SDK1: variants seen among roughly 807,000 people sequenced by gnomAD.
SDK1 encodes the protein protein sidekick-1.
SDK1 carries 157 observed loss-of-function variants against 245.5 expected under a neutral mutation model. The ratio of observed to expected loss-of-function variants is 0.64; its 90% CI spans 0.56 to 0.73. SDK1 has a LOEUF of 0.73. Among genes scored for constraint, SDK1 ranks in the 30% least tolerant of loss-of-function variants. SDK1 has a pLI of 0.00. For missense variants in SDK1, 3,583 were observed against 3,002.3 expected, an observed-to-expected ratio of 1.19 and a Z score of -4.52; for synonymous variants, 1,647 against 1,278.5, an observed-to-expected ratio of 1.29 and a Z score of -6.15.
At chr7:3,643,563 A>T (rs576519774) in intron 4 of SDK1, 1 of 145,376 alleles carries the variant, frequency 6.9e-6, no homozygotes, top group East Asian at 2.1e-4. Flanking sequence ...GCATCTGTGG[A>T]GTCCCTTCCC....
intron 4 of SDK1, among the ~76,000 whole-genome samples, chr7:3,655,501 A>ATATATATATATG (rs1554303530): frequency 1.1e-4 from 6 of 52,754 alleles, no homozygotes; most frequent in Non-Finnish European, 2.5e-4. Flanking sequence ...ATATATATAT[A>ATATATATATATG]TATGTATGTA....
chr7:3,465,405 G>A (rs1019589568), intron 1 of SDK1, among the ~76,000 whole-genome samples: 16 of 152,122 alleles, frequency 1.1e-4, no homozygotes, highest in African/African-American at 2.9e-4. Context: ...AATGAGTAAC[G>A]TCAGCATAAT....
chr7:4,199,539 T>C (rs192622152), intron 35 of SDK1, among the ~76,000 whole-genome samples: 7 of 152,354 alleles, frequency 4.6e-5, no homozygotes, highest in Admixed American at 4.6e-4. Context: ...CAAATATGTT[T>C]GTTATCGTGA....
intron 1 of SDK1, among the ~76,000 whole-genome samples, chr7:3,448,108 T>C (rs1385002991): frequency 6.6e-6 from 1 of 152,214 alleles, no homozygotes; most frequent in African/African-American, 2.4e-5. Flanking sequence ...ATTGTATAGA[T>C]ATTAGTAGAT....
intron 40 of SDK1, among the ~76,000 whole-genome samples, chr7:4,229,285 C>G (rs533136628): frequency 6.6e-6 from 1 of 151,980 alleles, no homozygotes; most frequent in Non-Finnish European, 1.5e-5. Flanking sequence ...ATAAGTAGCC[C>G]GGTGAATTAT....
At chr7:4,213,748 A>G (rs1480736017) in intron 38 of SDK1, among the ~76,000 whole-genome samples, 1 of 152,124 alleles carries the variant, frequency 6.6e-6, no homozygotes, top group Non-Finnish European at 1.5e-5. Context: ...CCCCTAGCCC[A>G]GTCTCCCAGA....
chr7:3,658,990 T>C (rs1783274672), intron 4 of SDK1, among the ~76,000 whole-genome samples: 1 of 151,758 alleles, frequency 6.6e-6, no homozygotes, highest in African/African-American at 2.4e-5. Context: ...GTCACTCATC[T>C]TTCTTCCCAC....
chr7:3,612,728 T>A (rs768972087), intron 1 of SDK1, among the ~76,000 whole-genome samples: 2 of 152,178 alleles, frequency 1.3e-5, no homozygotes, highest in Non-Finnish European at 2.9e-5. Flanking sequence ...CCTGGGAAAT[T>A]CAGCTGTGGC....
At position 4,067,691 on chromosome 7, in the gene SDK1, T is replaced by C. The variant is rs144284856; in HGVS notation, c.2912-147T>C. On this transcript the variant is annotated intron_variant, in intron 19 of 44. Transcript: ENST00000404826. ...GCCAGGATGCCTTGAACACCCTCCT[T>C]CTTTCTGCATTCCACTGATGTCTCC... is the stretch of plus-strand genomic sequence containing the variant. 948 of 590,686 alleles carry C rather than the reference T, an allele frequency of 1.6e-3. 6 individuals carry two copies. Among genetic ancestry groups the C allele is most frequent in the African/African-American group, 9.2e-3 (495 of 53,836 alleles). The allele number at this position is 590,686 out of a possible 1,614,324, so 36.6% of individuals were successfully genotyped here.
chr7:3,557,852 A>G (rs1475447690), intron 1 of SDK1, among the ~76,000 whole-genome samples: 1 of 152,222 alleles, frequency 6.6e-6, no homozygotes, highest in Non-Finnish European at 1.5e-5. Flanking sequence ...ACACGTCTGC[A>G]TCTCCATGTT....
intron 4 of SDK1, among the ~76,000 whole-genome samples, chr7:3,715,704 G>A (rs1785180451): frequency 6.6e-6 from 1 of 152,158 alleles, no homozygotes. Flanking sequence ...AATAGGACAA[G>A]GAGTCTTAAC....
intron 1 of SDK1, among the ~76,000 whole-genome samples, chr7:3,553,629 A>G (rs1026000898): frequency 1.3e-5 from 2 of 152,090 alleles, no homozygotes; most frequent in Non-Finnish European, 2.9e-5. Context: ...GCCAAGGGAA[A>G]TACTCTTCTT....
chr7:3,418,354 T>C (rs182228328), intron 1 of SDK1, among the ~76,000 whole-genome samples: 2 of 152,164 alleles, frequency 1.3e-5, no homozygotes, highest in Admixed American at 6.5e-5. Context: ...ACTATGACTC[T>C]TTTCTCAATG....
chr7:3,567,269 C>T (rs1383514086), intron 1 of SDK1, among the ~76,000 whole-genome samples: 1 of 152,096 alleles, frequency 6.6e-6, no homozygotes, highest in Non-Finnish European at 1.5e-5. Context: ...TCCTCCATTC[C>T]TCAGCGGCTT....
chr7:4,187,966 G>C (rs1315364472), intron 35 of SDK1, among the ~76,000 whole-genome samples: 3 of 145,612 alleles, frequency 2.1e-5, no homozygotes, highest in Non-Finnish European at 4.6e-5. Context: ...AAGGTGAAAG[G>C]CACGTCTTAA....
At position 4,149,448 on chromosome 7, in the gene SDK1, C is replaced by A. The variant is rs1336154310; in HGVS notation, c.4610C>A (p.Ala1537Glu). The change falls in exon 30 of 45, where the codon GCA (alanine) becomes GAA (glutamate). Residue 1537 changes from alanine (A) to glutamate (E), a missense_variant. Coordinates refer to ENST00000404826, the MANE Select transcript of SDK1 (RefSeq NM_152744.4). The stretch of plus-strand genomic sequence containing the variant: ...TCGTCCATCAGCCATGAGGCGACAG[C>A]ATGCGTCGTTGACAGGTACTGAGAG... Reference protein sequence around the residue: ...YSSSISHEATACVVDRLRPFT... With the variant: ...YSSSISHEATECVVDRLRPFT... 6.5e-7 allele frequency: 1 copy of A among 1,527,960 alleles called. No individual in the cohort carries two copies. Among genetic ancestry groups the A allele is most frequent in the Non-Finnish European group, 8.8e-7 (1 of 1,138,320 alleles). The allele number at this position is 1,527,960 out of a possible 1,614,324, so 94.7% of individuals were successfully genotyped here. A position where few individuals can be genotyped will look rare whatever the true frequency, so the allele number is the denominator to read the frequency against.
intron 19 of SDK1, among the ~76,000 whole-genome samples, chr7:4,058,283 G>A (rs979081430): frequency 7.2e-5 from 11 of 151,888 alleles, no homozygotes; most frequent in African/African-American, 2.2e-4. Flanking sequence ...GTAAGCTTCG[G>A]CAGTAGACTA....
At position 4,266,748 on chromosome 7, in the gene SDK1, G is replaced by A. The variant is rs539626754; in HGVS notation, c.*1364G>A. ...GTCCACCCCTCAGCCCGGGTCCCGGGTCTGGATGGAACGGGAGCACTGCTG... is the reference window on the plus strand; with the variant it reads ...GTCCACCCCTCAGCCCGGGTCCCGGATCTGGATGGAACGGGAGCACTGCTG... On this transcript the variant is annotated 3_prime_UTR_variant, in exon 45 of 45. Coordinates refer to ENST00000404826, the MANE Select transcript of SDK1 (RefSeq NM_152744.4). The A allele has an allele frequency of 1.1e-5, 11 of 985,372 alleles. No individual in the cohort carries two copies. Among genetic ancestry groups the A allele is most frequent in the African/African-American group, 1.7e-5 (1 of 57,252 alleles). The allele number at this position is 985,372 out of a possible 1,614,324, so 61.0% of individuals were successfully genotyped here. A position where few individuals can be genotyped will look rare whatever the true frequency, so the allele number is the denominator to read the frequency against.
chr7:3,968,403 C>G (rs1254720424), intron 10 of SDK1, among the ~76,000 whole-genome samples: 1 of 152,146 alleles, frequency 6.6e-6, no homozygotes, highest in African/African-American at 2.4e-5. Context: ...ATCGGGCTGA[C>G]ATGCCAAAAG....
Sources: gnomAD v4.1 joint callset for allele counts (sites outside exome capture counted in the v4.1 genomes callset) on GRCh38, gnomAD v4.1.1 for gene constraint, MANE v1.5 for transcripts, NCBI Gene and HGNC (gene_info 2026-07-23, HGNC 2026-07-21) for gene names.